Variants in PLXDC2 observed in about 807,000 individuals in gnomAD.
PLXDC2 encodes the protein plexin domain-containing protein 2.
PLXDC2 carries 40 observed loss-of-function variants against 68.9 expected under a neutral mutation model. That is an observed-to-expected ratio of 0.58 (90% CI 0.45 to 0.76). PLXDC2 has a LOEUF of 0.76. PLXDC2 is among the 30% of genes least tolerant of loss of function. The probability of loss-of-function intolerance (pLI) is 0.00; values close to 1 mark genes in which losing one functional copy is unlikely to be tolerated. For missense variants in PLXDC2, 644 were observed against 661.9 expected (o/e 0.97, Z 0.30); for synonymous variants, 243 against 234.2 (o/e 1.04, Z -0.34).
At chr10:19,927,225 C>A (rs1833550471) in intron 1 of PLXDC2, among the ~76,000 whole-genome samples, 2 of 152,132 alleles carry the variant, frequency 1.3e-5, no homozygotes, top group South Asian at 4.1e-4. Context: ...ACACACAAGA[C>A]ACTGAACTGC....
intron 3 of PLXDC2, among the ~76,000 whole-genome samples, chr10:20,049,110 A>C (rs560002576): frequency 1.3e-5 from 2 of 152,094 alleles, no homozygotes; most frequent in Non-Finnish European, 2.9e-5. Flanking sequence ...ATTAACAAAC[A>C]TTTCTTCAGA....
chr10:19,885,422 C>T (rs934009333), intron 1 of PLXDC2, among the ~76,000 whole-genome samples: 1 of 152,136 alleles, frequency 6.6e-6, no homozygotes, highest in Non-Finnish European at 1.5e-5. Context: ...ACATGAAGTC[C>T]TTGCCCGTGC....
At chr10:20,113,295 C>G (rs1477454827) in intron 4 of PLXDC2, among the ~76,000 whole-genome samples, 2 of 152,144 alleles carry the variant, frequency 1.3e-5, no homozygotes, top group Non-Finnish European at 2.9e-5. Flanking sequence ...GCTTGCTTGC[C>G]AAGATTGGGT....
At chr10:20,073,133 A>G (rs1836365905) in intron 4 of PLXDC2, among the ~76,000 whole-genome samples, 1 of 152,218 alleles carries the variant, frequency 6.6e-6, no homozygotes. Context: ...TTGTGTTTAC[A>G]AATTCCTCTT....
At chr10:20,015,187 T>A (rs1835189915) in intron 2 of PLXDC2, among the ~76,000 whole-genome samples, 1 of 152,208 alleles carries the variant, frequency 6.6e-6, no homozygotes, top group African/African-American at 2.4e-5. Context: ...TATCAATGTA[T>A]CATTGTCTTC....
At chr10:20,055,456 C>T (rs1007822700) in intron 3 of PLXDC2, among the ~76,000 whole-genome samples, 1 of 151,946 alleles carries the variant, frequency 6.6e-6, no homozygotes, top group Admixed American at 6.6e-5. Context: ...GCTCATTTTT[C>T]AAAATGATTA....
At chr10:19,879,127 T>C (rs1435029288) in intron 1 of PLXDC2, among the ~76,000 whole-genome samples, 1 of 152,180 alleles carries the variant, frequency 6.6e-6, no homozygotes, top group African/African-American at 2.4e-5. Flanking sequence ...AGCATGCATT[T>C]AGAGGAAAAA....
chr10:20,034,792 T>C (rs1217293070), intron 2 of PLXDC2, among the ~76,000 whole-genome samples: 1 of 152,210 alleles, frequency 6.6e-6, no homozygotes, highest in Non-Finnish European at 1.5e-5. Flanking sequence ...ACACAAATGC[T>C]TACCATTGTG....
At chr10:19,916,719 A>G (rs562717126) in intron 1 of PLXDC2, among the ~76,000 whole-genome samples, 2 of 152,284 alleles carry the variant, frequency 1.3e-5, no homozygotes, top group South Asian at 4.1e-4. Flanking sequence ...GTGAACTCAA[A>G]CTTTTCCCCA....
chr10:20,113,734 A>G (rs1292493985), intron 4 of PLXDC2, among the ~76,000 whole-genome samples: 2 of 152,206 alleles, frequency 1.3e-5, no homozygotes, highest in African/African-American at 4.8e-5. Flanking sequence ...AAACAGACAC[A>G]GTTGATTTTG....
chr10:19,892,415 C>T (rs568797192), intron 1 of PLXDC2, among the ~76,000 whole-genome samples: 98 of 152,306 alleles, frequency 6.4e-4, no homozygotes, highest in Admixed American at 2.4e-3. Context: ...CCACACTACC[C>T]GCCCAGTGCT....
chr10:19,858,269 A>G (rs1335766191), intron 1 of PLXDC2, among the ~76,000 whole-genome samples: 1 of 152,204 alleles, frequency 6.6e-6, no homozygotes, highest in Non-Finnish European at 1.5e-5. Context: ...TTTATCTGCC[A>G]GGAACCTGCA....
At chr10:20,242,515 T>C (rs889511815) in intron 12 of PLXDC2, among the ~76,000 whole-genome samples, 11 of 152,208 alleles carry the variant, frequency 7.2e-5, no homozygotes, top group Non-Finnish European at 1.5e-4. Context: ...TCATTTATTA[T>C]AGCCTCATTT....
chr10:19,950,815 A>G (rs1307736681), intron 1 of PLXDC2, among the ~76,000 whole-genome samples: 7 of 152,164 alleles, frequency 4.6e-5, no homozygotes, highest in Non-Finnish European at 8.8e-5. Flanking sequence ...ATAGACCTAT[A>G]CAACAGACTA....
intron 1 of PLXDC2, among the ~76,000 whole-genome samples, chr10:19,883,883 A>ATTTTTTTTTTTTTTTTTTTTTTTTTTT (rs1564618531): frequency 2.4e-5 from 1 of 41,906 alleles, no homozygotes; most frequent in Non-Finnish European, 4.3e-5. Flanking sequence ...ATCCCTTTAA[A>ATTTTTTTTTTTTTTTTTTTTTTTTTTT]CTTTTTTTTT....
intron 1 of PLXDC2, among the ~76,000 whole-genome samples, chr10:19,948,578 G>A (rs1362837980): frequency 6.6e-6 from 1 of 151,796 alleles, no homozygotes; most frequent in South Asian, 2.1e-4. Flanking sequence ...CTATGTCTGG[G>A]ATCAGAAAAA....
chr10:20,046,947 A>G lies in PLXDC2; in HGVS notation c.403A>G (p.Ile135Val), dbSNP rs1203125860. The G allele has an allele frequency of 1.9e-6, 3 of 1,612,872 alleles. No individual in the cohort carries two copies. The highest frequency in any genetic ancestry group is 1.7e-6 in the Non-Finnish European group (2 of 1,179,350). The change falls in exon 3 of 14, where the codon ATA becomes GTA. Residue 135 changes from isoleucine to valine, a missense_variant. Coordinates refer to ENST00000377252, the MANE Select transcript of PLXDC2 (RefSeq NM_032812.9). The part of the protein sequence containing the change: ...DSASRDLWVN[I>V]DQMEKDKVKI... The stretch of plus-strand genomic sequence containing the variant: ...TGCCAGCCGGGATTTATGGGTGAAC[A>G]TAGACCAAATGGAAAAAGATAAAGT...
intron 9 of PLXDC2, among the ~76,000 whole-genome samples, chr10:20,186,461 T>C (rs965480168): frequency 6.6e-6 from 1 of 151,972 alleles, no homozygotes; most frequent in African/African-American, 2.4e-5. Context: ...AGGCTTGTTA[T>C]ATAGGTAAAC....
intron 1 of PLXDC2, among the ~76,000 whole-genome samples, chr10:19,945,291 G>A (rs1833882727): frequency 6.6e-6 from 1 of 152,146 alleles, no homozygotes; most frequent in Non-Finnish European, 1.5e-5. Context: ...CCTCATTGAG[G>A]AGTCTGTCTT....
Sources: gnomAD v4.1 joint callset for allele counts (sites outside exome capture counted in the v4.1 genomes callset) on GRCh38, gnomAD v4.1.1 for gene constraint, MANE v1.5 for transcripts, NCBI Gene and HGNC (gene_info 2026-07-23, HGNC 2026-07-21) for gene names.